The following TDRD1 variants were observed in gnomAD, a reference collection of about 807,000 sequenced individuals.
TDRD1 encodes the protein tudor domain-containing protein 1.
Under a neutral mutation model 140.6 loss-of-function variants are expected in TDRD1, and 37 were observed. The ratio of observed to expected loss-of-function variants is 0.26; its 90% CI spans 0.20 to 0.35. The LOEUF is 0.35. TDRD1 is among the 10% of genes least tolerant of loss of function. The pLI is 1.00. For synonymous variants in TDRD1, 506 were observed against 475.7 expected, an observed-to-expected ratio of 1.06 and a Z score of -0.83; for missense variants, 1,243 against 1,393.0, an observed-to-expected ratio of 0.89 and a Z score of 1.71.
intron 13 of TDRD1, among the ~76,000 whole-genome samples, chr10:114,211,241 T>G (rs2035463708): frequency 6.6e-6 from 1 of 152,168 alleles, no homozygotes; most frequent in Non-Finnish European, 1.5e-5. Context: ...CTTTTGGTTT[T>G]GGGGACTGGT....
intron 2 of TDRD1, among the ~76,000 whole-genome samples, chr10:114,190,690 G>T (rs1325556456): frequency 6.6e-6 from 1 of 152,132 alleles, no homozygotes; most frequent in Non-Finnish European, 1.5e-5. Context: ...GTTTCACCAT[G>T]TTGGTCAGGC....
chr10:114,219,159 T>A (rs1294611565), intron 18 of TDRD1, among the ~76,000 whole-genome samples: 1 of 152,228 alleles, frequency 6.6e-6, no homozygotes, highest in Non-Finnish European at 1.5e-5. Flanking sequence ...TGAAGAATTG[T>A]TCATGATTTA....
chr10:114,228,174 A>G, intron 25 of TDRD1: 1 of 1,520,176 alleles, frequency 6.6e-7, no homozygotes, highest in Non-Finnish European at 8.8e-7. Context: ...GATCACCAAT[A>G]GGACATCTTC....
intron 3 of TDRD1, among the ~76,000 whole-genome samples, chr10:114,194,209 A>G (rs185888253): frequency 3.9e-5 from 6 of 152,316 alleles, no homozygotes; most frequent in African/African-American, 1.2e-4. Context: ...TTAGTTTCAT[A>G]AAATAAATTG....
intron 18 of TDRD1, among the ~76,000 whole-genome samples, chr10:114,219,275 T>C (rs1343372073): frequency 6.6e-6 from 1 of 152,240 alleles, no homozygotes; most frequent in Non-Finnish European, 1.5e-5. Flanking sequence ...ATTTAAACTT[T>C]CTGTGCTTCT....
chr10:114,213,919 C>T, intron 15 of TDRD1, 58 bp from the exon 16 acceptor site: 2 of 1,580,048 alleles, frequency 1.3e-6, no homozygotes, highest in Non-Finnish European at 8.7e-7. Context: ...CTCAGCCACC[C>T]CAACCTCGCT....
chr10:114,192,292 C>CTTTTTTTTTTTTT lies in TDRD1; in HGVS notation c.384+1290_384+1302dup, dbSNP rs938140798. Reference sequence around the variant, plus strand: ...TCCCCAAAAAAGTTTGATAGTTTTCCTTTTTTTTTTTTTTTTTTTTTTTTT... The same window carrying CTTTTTTTTTTTTT: ...TCCCCAAAAAAGTTTGATAGTTTTCCTTTTTTTTTTTTTTTTTTTTTTTTTTTTTTTTTTTTTT... On this transcript the variant is annotated intron_variant, in intron 3 of 25. Coordinates refer to ENST00000251864, the Ensembl canonical transcript of TDRD1. Among the ~76,000 whole-genome samples the CTTTTTTTTTTTTT allele has an allele frequency of 5.7e-4, 43 of 75,110 alleles. 5 individuals carry two copies. Among genetic ancestry groups the CTTTTTTTTTTTTT allele is most frequent in the Non-Finnish European group, 8.4e-4 (33 of 39,234 alleles). The allele number at this position is 75,110 out of a possible 152,430, so 49.3% of individuals were successfully genotyped here.
exon 15 of TDRD1, chr10:114,213,559 A>G (rs754275963): frequency 1.2e-6 from 2 of 1,613,858 alleles, no homozygotes; most frequent in Non-Finnish European, 1.7e-6. Flanking sequence ...ATGGTGACAG[A>G]TAAACCCAGT....
At chr10:114,208,143 A>G (rs995348610) in intron 11 of TDRD1, among the ~76,000 whole-genome samples, 4 of 152,182 alleles carry the variant, frequency 2.6e-5, no homozygotes, top group Non-Finnish European at 5.9e-5. Flanking sequence ...AAGTAGGGCT[A>G]GATTTGACTG....
intron 3 of TDRD1, among the ~76,000 whole-genome samples, chr10:114,193,051 T>C (rs922822651): frequency 1.3e-5 from 2 of 152,240 alleles, no homozygotes; most frequent in African/African-American, 2.4e-5. Flanking sequence ...ATTTGCTGTG[T>C]TGAATCTTCC....
In TDRD1 at chr10:114,203,642, T is replaced by C. The variant is rs2034909763; in HGVS notation, c.981+75T>C. On this transcript the variant is annotated intron_variant, in intron 8 of 25. Coordinates refer to ENST00000251864, the Ensembl canonical transcript of TDRD1. ...CGTATGAACTGAACACCAGAGCTTT[T>C]AATGATGCATGACAAGGCTTAAAGC... 5 of 1,308,892 alleles carry C rather than the reference T, an allele frequency of 3.8e-6. No homozygotes were observed. In the East Asian group the frequency reaches 1.2e-4, roughly 31 times the overall value. 81.1% of individuals were successfully genotyped at this position (1,308,892 alleles called of 1,614,324 possible).
intron 1 of TDRD1, among the ~76,000 whole-genome samples, chr10:114,182,487 A>G (rs2033150699): frequency 6.6e-6 from 1 of 152,126 alleles, no homozygotes; most frequent in African/African-American, 2.4e-5. Flanking sequence ...AGTCAAATAT[A>G]TTTACTAATT....
intron 1 of TDRD1, among the ~76,000 whole-genome samples, chr10:114,185,314 C>G (rs1475998045): frequency 6.6e-6 from 1 of 152,046 alleles, no homozygotes. Context: ...CTCAGCCTCC[C>G]GAGTAGCTGG....
At chr10:114,215,704 A>G (rs923565341) in intron 16 of TDRD1, among the ~76,000 whole-genome samples, 2 of 152,212 alleles carry the variant, frequency 1.3e-5, no homozygotes, top group African/African-American at 2.4e-5. Flanking sequence ...GTAGGCCACC[A>G]TTCCATATAG....
chr10:114,222,588 A>C, exon 21 of TDRD1: 1 of 1,597,820 alleles, frequency 6.3e-7, no homozygotes, highest in Non-Finnish European at 8.6e-7. Flanking sequence ...ATATTTTAGA[A>C]AATCAGGAAA....
intron 21 of TDRD1, among the ~76,000 whole-genome samples, chr10:114,224,124 A>C (rs967889465): frequency 6.6e-6 from 1 of 152,214 alleles, no homozygotes; most frequent in Non-Finnish European, 1.5e-5. Flanking sequence ...GGTGCATGTA[A>C]GACAAATTTT....
rs761781384 is a variant in TDRD1 at position 114,202,200 on chromosome 10, C to T, written c.636-38C>T. ...TTGATAGCCCCTATGTTAATTGCCT[C>T]TGTAGTATAAATATTGTAATCTGTT... On this transcript the variant is annotated intron_variant, in intron 5 of 25. Coordinates refer to ENST00000251864, the Ensembl canonical transcript of TDRD1. The T allele has an allele frequency of 3.3e-6, 5 of 1,534,354 alleles. No homozygotes were observed. The Admixed American group carries it at 7.3e-5, about 22-fold the overall frequency.
At chr10:114,219,251 C>T (rs2035995330) in intron 18 of TDRD1, among the ~76,000 whole-genome samples, 1 of 152,294 alleles carries the variant, frequency 6.6e-6, no homozygotes, top group Non-Finnish European at 1.5e-5. Context: ...GTCTATGAGA[C>T]GTTTAGGCAA....
At chr10:114,177,767 T>C (rs1464386827), upstream of TDRD1, among the ~76,000 whole-genome samples, 2 of 152,104 alleles carry the variant, frequency 1.3e-5, no homozygotes, top group East Asian at 3.8e-4. Context: ...ACCATGCTAA[T>C]AATAGGGGAA....
Sources: gnomAD v4.1 joint callset for allele counts (sites outside exome capture counted in the v4.1 genomes callset) on GRCh38, gnomAD v4.1.1 for gene constraint, MANE v1.5 for transcripts, NCBI Gene and HGNC (gene_info 2026-07-23, HGNC 2026-07-21) for gene names.